The following ZNF618 variants were observed in gnomAD, a reference collection of about 807,000 sequenced individuals.
ZNF618 encodes the protein zinc finger protein 618.
In ZNF618, 34 loss-of-function variants were observed where a neutral mutation model predicts 103.0. That is an observed-to-expected ratio of 0.33 (90% CI 0.25 to 0.44). The LOEUF is 0.44. Ranked by LOEUF, ZNF618 falls within the 20% of genes least tolerant of loss-of-function variation. The pLI is 1.00. For synonymous variants in ZNF618, 551 were observed against 542.2 expected, an observed-to-expected ratio of 1.02 and a Z score of -0.23; for missense variants, 1,059 against 1,295.4, an observed-to-expected ratio of 0.82 and a Z score of 2.80.
intron 10 of ZNF618, among the ~76,000 whole-genome samples, chr9:114,018,643 A>G (rs943004162): frequency 1.3e-5 from 2 of 152,234 alleles, no homozygotes; most frequent in East Asian, 1.9e-4. Context: ...TAAAGCAGAA[A>G]GGGGTGTGTC....
intron 1 of ZNF618, among the ~76,000 whole-genome samples, chr9:113,878,555 A>T (rs1828175813): frequency 6.6e-6 from 1 of 152,236 alleles, no homozygotes; most frequent in Admixed American, 6.5e-5. Context: ...ATGAGAATAA[A>T]GTACCCACCC....
At chr9:113,952,556 A>T (rs1262255432) in intron 1 of ZNF618, among the ~76,000 whole-genome samples, 1 of 152,142 alleles carries the variant, frequency 6.6e-6, no homozygotes, top group Admixed American at 6.5e-5. Flanking sequence ...GGAGTTAGGG[A>T]TGGCATGATG....
chr9:113,918,935 C>G (rs935761579), intron 1 of ZNF618, among the ~76,000 whole-genome samples: 32 of 152,076 alleles, frequency 2.1e-4, no homozygotes, highest in African/African-American at 6.8e-4. Flanking sequence ...TGTGAATGAA[C>G]GAATGAAAAC....
chr9:113,955,310 C>G (rs924597359), intron 1 of ZNF618, among the ~76,000 whole-genome samples: 1 of 150,454 alleles, frequency 6.6e-6, no homozygotes, highest in Non-Finnish European at 1.5e-5. Flanking sequence ...ACACCCCACC[C>G]CCACACTGCA....
chr9:113,935,177 C>G (rs1833925536), intron 1 of ZNF618, among the ~76,000 whole-genome samples: 1 of 152,162 alleles, frequency 6.6e-6, no homozygotes, highest in Non-Finnish European at 1.5e-5. Flanking sequence ...ATGGCCCAGG[C>G]CCTAGGAAGG....
At chr9:114,007,039 A>G (rs1325280132) in intron 6 of ZNF618, among the ~76,000 whole-genome samples, 3 of 152,164 alleles carry the variant, frequency 2.0e-5, no homozygotes, top group African/African-American at 7.2e-5. Flanking sequence ...CATTCTGTTC[A>G]TTAGAAGTCA....
intron 1 of ZNF618, among the ~76,000 whole-genome samples, chr9:113,884,111 G>A (rs1317824448): frequency 6.7e-6 from 1 of 150,356 alleles, no homozygotes; most frequent in Non-Finnish European, 1.5e-5. Context: ...TTTTGCTGTG[G>A]CCTCTCTAAA....
chr9:113,915,749 GTAGATGGATGGACAGA>G (rs935856016), intron 1 of ZNF618, among the ~76,000 whole-genome samples: 20 of 152,072 alleles, frequency 1.3e-4, no homozygotes, highest in African/African-American at 4.8e-4. Flanking sequence ...ATAGAGAGAG[GTAGATGGATGGACAGA>G]TAGACAGACA....
chr9:113,902,451 T>TA (rs768645717), intron 1 of ZNF618, among the ~76,000 whole-genome samples: 4 of 152,212 alleles, frequency 2.6e-5, no homozygotes, highest in African/African-American at 4.8e-5. Flanking sequence ...GTTTAGTTTT[T>TA]ATCCCCATTT....
chr9:113,989,009 G>A (rs752059362), intron 3 of ZNF618, among the ~76,000 whole-genome samples: 4 of 152,168 alleles, frequency 2.6e-5, no homozygotes, highest in Non-Finnish European at 5.9e-5. Context: ...AGTGACAGAT[G>A]GCACTTCCCC....
chr9:113,937,892 T>G (rs1834167051), intron 1 of ZNF618, among the ~76,000 whole-genome samples: 1 of 152,220 alleles, frequency 6.6e-6, no homozygotes, highest in South Asian at 2.1e-4. Flanking sequence ...TTTGTTGTTT[T>G]TATTACTTTG....
rs368577520 is a variant in ZNF618 at position 114,007,505 on chromosome 9, C to T, written c.640+66C>T. Reference sequence around the variant, plus strand: ...CGCCCTTCCTTGGAGACACCAGCCCCCAGCCCTCCCCGCCTCCCTCCTCCC... The same window carrying T: ...CGCCCTTCCTTGGAGACACCAGCCCTCAGCCCTCCCCGCCTCCCTCCTCCC... On this transcript the variant is annotated intron_variant, in intron 7 of 14. Coordinates refer to ENST00000374126, the MANE Select transcript of ZNF618 (RefSeq NM_001318042.2). 5.5e-5 allele frequency: 81 copies of T among 1,479,874 alleles called. No individual in the cohort carries two copies. The African/African-American group carries it at 9.9e-4, about 18-fold the overall frequency. The allele number at this position is 1,479,874 out of a possible 1,614,324, so 91.7% of individuals were successfully genotyped here.
chr9:114,034,136 GT>G (rs1844366453), intron 12 of ZNF618, among the ~76,000 whole-genome samples: 1 of 152,180 alleles, frequency 6.6e-6, no homozygotes, highest in Non-Finnish European at 1.5e-5. Context: ...AGGTGTTAGG[GT>G]TTTTTGGTGG....
intron 1 of ZNF618, among the ~76,000 whole-genome samples, chr9:113,876,772 C>A (rs1827982896): frequency 6.6e-6 from 1 of 150,574 alleles, no homozygotes; most frequent in Non-Finnish European, 1.5e-5. Flanking sequence ...TGCCCCCTCC[C>A]CCCCAAATTT....
In ZNF618 at chr9:114,042,039, C is replaced by T. The variant is rs561940600; in HGVS notation, c.1246+5662C>T. 3.9e-5 allele frequency among the ~76,000 whole-genome samples: 6 copies of T among 152,186 alleles called. No individual in the cohort carries two copies. In the South Asian group the frequency reaches 1.2e-3, roughly 32 times the overall value. On this transcript the variant is annotated intron_variant, in intron 13 of 14. Transcript: ENST00000374126. Reference sequence around the variant, plus strand: ...ATTTGTAGTTCTCCTTGAAGAGGTCCTTCACATCCCTTGTAAGTTGGATTC... The same window carrying T: ...ATTTGTAGTTCTCCTTGAAGAGGTCTTTCACATCCCTTGTAAGTTGGATTC...
chr9:113,978,402 A>G (rs1838679355), intron 2 of ZNF618, among the ~76,000 whole-genome samples: 1 of 152,216 alleles, frequency 6.6e-6, no homozygotes, highest in African/African-American at 2.4e-5. Context: ...GCACAGCAGC[A>G]TTTGAAAACA....
At chr9:113,888,036 G>A (rs1433144574) in intron 1 of ZNF618, among the ~76,000 whole-genome samples, 1 of 152,010 alleles carries the variant, frequency 6.6e-6, no homozygotes, top group Non-Finnish European at 1.5e-5. Context: ...TGTAAAGTAG[G>A]GTTTGTTTTT....
At chr9:113,898,219 T>C (rs1417533326) in intron 1 of ZNF618, among the ~76,000 whole-genome samples, 6 of 152,202 alleles carry the variant, frequency 3.9e-5, no homozygotes, top group African/African-American at 1.4e-4. Context: ...TTAGATGTCT[T>C]TCTGTTTTCC....
At chr9:114,021,415 C>A (rs1347607227) in intron 10 of ZNF618, among the ~76,000 whole-genome samples, 1 of 152,050 alleles carries the variant, frequency 6.6e-6, no homozygotes, top group Non-Finnish European at 1.5e-5. Flanking sequence ...TAAAATTCTT[C>A]AGGATTTTAC....
Sources: allele counts gnomAD v4.1 joint callset (sites outside exome capture counted in the v4.1 genomes callset), GRCh38; gene constraint gnomAD v4.1.1; transcripts MANE v1.5; gene names NCBI Gene and HGNC (gene_info 2026-07-23, HGNC 2026-07-21).